VSIG10L2: variants seen among roughly 807,000 people sequenced by gnomAD.
The protein encoded by VSIG10L2 is V-set and immunoglobulin domain-containing protein 10-like 2.
A neutral mutation model predicts 67.1 loss-of-function variants in VSIG10L2; 56 were observed. That is an observed-to-expected ratio of 0.83 (90% CI 0.67 to 1.04). VSIG10L2 has a LOEUF of 1.04. VSIG10L2 is among the 50% of genes least tolerant of loss of function. The pLI, the probability that VSIG10L2 is intolerant of heterozygous loss-of-function variation, is 0.00. For synonymous variants in VSIG10L2, 360 were observed against 396.6 expected, an observed-to-expected ratio of 0.91 and a Z score of 1.10; for missense variants, 843 against 932.8, an observed-to-expected ratio of 0.90 and a Z score of 1.25.
intron 10 of VSIG10L2, 23 bp from the exon 11 acceptor site, chr11:125,955,592 T>C (rs1010540353): frequency 6.8e-5 from 104 of 1,523,856 alleles, no homozygotes; most frequent in Non-Finnish European, 8.7e-5. Flanking sequence ...GCCACTAACT[T>C]TACTCTCCCA....
At chr11:125,953,278 C>G (rs1344676251) in intron 6 of VSIG10L2, 122 bp from the exon 7 acceptor site, 1 of 820,148 alleles carries the variant, frequency 1.2e-6, no homozygotes, top group East Asian at 3.4e-5. Flanking sequence ...TGGCCCCAGA[C>G]AAGCCTCATT....
intron 2 of VSIG10L2, 40 bp from the exon 3 acceptor site, chr11:125,948,265 G>A: frequency 4.9e-6 from 6 of 1,232,284 alleles, no homozygotes; most frequent in Non-Finnish European, 5.1e-6. Flanking sequence ...CGTGTCCTGG[G>A]TCTGTAATAA....
At position 125,952,090 on chromosome 11, in the gene VSIG10L2, GA is replaced by G. The variant is rs1945385010; in HGVS notation, c.1495+18del. 1 of 1,523,170 alleles carries G rather than the reference GA, an allele frequency of 6.6e-7. No individual in the cohort carries two copies. The highest frequency in any genetic ancestry group is 8.8e-7 in the Non-Finnish European group (1 of 1,137,928). 94.4% of individuals were successfully genotyped at this position (1,523,170 alleles called of 1,614,324 possible). A position where few individuals can be genotyped will look rare whatever the true frequency, so the allele number is the denominator to read the frequency against. ...TCCAGCTGGGTGAGTAGGGGCTAGC[GA>G]GTTTGTTCTGGGGCTGGGACAGGAG... On this transcript the variant is annotated intron_variant, in intron 6 of 11. Coordinates refer to ENST00000686984, the MANE Select transcript of VSIG10L2 (RefSeq NM_001365077.2).
chr11:125,949,451 T>C (rs1945336576), intron 3 of VSIG10L2, among the ~76,000 whole-genome samples: 1 of 152,166 alleles, frequency 6.6e-6, no homozygotes, highest in South Asian at 2.1e-4. Flanking sequence ...CTGAGGACTG[T>C]TGAGGCAGGT....
Position 125,955,853 on chromosome 11 carries a change from C to T in VSIG10L2, c.2321C>T (p.Pro774Leu), listed in dbSNP as rs1000788111. 8 of 702,952 alleles carry T rather than the reference C, an allele frequency of 1.1e-5. No individual in the cohort carries two copies. The East Asian group carries it at 1.3e-4, about 12-fold the overall frequency. The allele number at this position is 702,952 out of a possible 1,614,324, so 43.5% of individuals were successfully genotyped here. A position where few individuals can be genotyped will look rare whatever the true frequency, so the allele number is the denominator to read the frequency against. Residue 774 changes from proline to leucine, a missense_variant, in exon 12 of 12, where the codon CCT (proline) becomes CTT (leucine). Pro to Leu is a moderately conservative substitution (Grantham distance 98). This residue lies in a region of VSIG10L2 where 397 missense variants were observed against 384.4 expected (regional missense o/e 1.03). Transcript: ENST00000686984. ...CCAACCACCACCCCAGGTTTGGATC[C>T]TGCACAAGAAACCACGGATTCTCCA... is the stretch of plus-strand genomic sequence containing the variant. The part of the protein sequence containing the change: ...ETPTTTPGLD[P>L]AQETTDSPVN...
Position 125,948,484 on chromosome 11 carries a change from G to C in VSIG10L2, c.613G>C (p.Asp205His). The stretch of plus-strand genomic sequence containing the variant: ...GGTCACTGAGCCACTATTCCAGCTG[G>C]ACCCTGTCAACCGGACACACCTAGG... ...VGVTEPLFQL[D>H]PVNRTHLGWY... Residue 205 changes from aspartate (D) to histidine (H), a missense_variant, in exon 3 of 12, where the codon GAC (aspartate) becomes CAC (histidine). By Grantham distance (81) the Asp-to-His change is moderately conservative. Around this residue, in one of 2 missense-constraint regions of VSIG10L2, gnomAD observed 446 missense variants for 548.4 expected, o/e 0.81. Coordinates refer to ENST00000686984, the MANE Select transcript of VSIG10L2 (RefSeq NM_001365077.2). 2 of 1,232,258 alleles carry C rather than the reference G, an allele frequency of 1.6e-6. No homozygotes were observed. The highest frequency in any genetic ancestry group is 2.0e-6 in the Non-Finnish European group (2 of 988,024). The allele number at this position is 1,232,258 out of a possible 1,614,324, so 76.3% of individuals were successfully genotyped here.
Position 125,953,904 on chromosome 11 carries a change from C to A in VSIG10L2, c.1787-183C>A, listed in dbSNP as rs115066840. On this transcript the variant is annotated intron_variant, in intron 7 of 11. Coordinates refer to ENST00000686984, the MANE Select transcript of VSIG10L2 (RefSeq NM_001365077.2). Reference sequence around the variant, plus strand: ...AAACAGAACGCCATGCAGGCAGGATCGCCTTTCATTTTATAGATGAAAAAA... The same window carrying A: ...AAACAGAACGCCATGCAGGCAGGATAGCCTTTCATTTTATAGATGAAAAAA... Among the ~76,000 whole-genome samples the A allele has an allele frequency of 4.8e-3, 735 of 152,310 alleles. 6 individuals are homozygous for A. The highest frequency in any genetic ancestry group is 0.016 in the African/African-American group (671 of 41,566).
At position 125,947,815 on chromosome 11, in the gene VSIG10L2, C is replaced by T. The variant is rs1042082349; in HGVS notation, c.212C>T (p.Pro71Leu). The T allele has an allele frequency of 2.8e-5, 34 of 1,232,490 alleles. 1 individual carries two copies. The highest frequency in any genetic ancestry group is 4.1e-5 in the South Asian group (1 of 24,328). The allele number at this position is 1,232,490 out of a possible 1,614,324, so 76.3% of individuals were successfully genotyped here. The change falls in exon 2 of 12, where the codon CCC becomes CTC. Residue 71 changes from proline to leucine, a missense_variant. Coordinates refer to ENST00000686984, the MANE Select transcript of VSIG10L2 (RefSeq NM_001365077.2). ...CTGCTGGTCCTCTGGAGCTTCACCC[C>T]CCTGGGCTCCCTGGTTCCCCGGCCT... The part of the protein sequence containing the change: ...APLLVLWSFT[P>L]LGSLVPRPVA...
At chr11:125,950,409 C>T (rs575076752) in intron 4 of VSIG10L2, 120 bp downstream of exon 4, 5 of 1,077,400 alleles carry the variant, frequency 4.6e-6, no homozygotes, top group Non-Finnish European at 5.9e-6. Flanking sequence ...GCCAAAGCTG[C>T]TCTTGTTGGA....
rs1460939731 is a variant in VSIG10L2 at position 125,955,909 on chromosome 11, C to A, written c.2377C>A (p.Pro793Thr). The change falls in exon 12 of 12, where the codon CCA becomes ACA. Residue 793 changes from proline (P) to threonine (T), a missense_variant. Physicochemically the swap from Pro to Thr is conservative, Grantham distance 38. Coordinates refer to ENST00000686984, the MANE Select transcript of VSIG10L2 (RefSeq NM_001365077.2). ...TGTCACCATCACAGTGACTGCAACA[C>A]CATAAGGCCCAAAGAGGAAGATGCA... ...VNVTITVTAT[P>T] The A allele has an allele frequency of 1.1e-5, 7 of 661,944 alleles. No homozygotes were observed. The highest frequency in any genetic ancestry group is 1.9e-5 in the Non-Finnish European group (7 of 367,840). The allele number at this position is 661,944 out of a possible 1,614,324, so 41.0% of individuals were successfully genotyped here.
chr11:125,947,388 G>A (rs991226476), intron 1 of VSIG10L2: 46 of 983,794 alleles, frequency 4.7e-5, no homozygotes, highest in South Asian at 1.4e-4. Context: ...CTGGGGTGAC[G>A]TCCACGAATC....
Position 125,950,201 on chromosome 11 carries a change from C to G in VSIG10L2, c.897C>G (p.Gly299=). 1 of 1,232,378 alleles carries G rather than the reference C, an allele frequency of 8.1e-7. No individual in the cohort carries two copies. Among genetic ancestry groups the G allele is most frequent in the Non-Finnish European group, 1.0e-6 (1 of 988,120 alleles). The allele number at this position is 1,232,378 out of a possible 1,614,324, so 76.3% of individuals were successfully genotyped here. The part of the protein sequence containing the change: ...TGPTYVIARA[G]RVHTGLYTCL... ...CTACCTATGTCATCGCCAGAGCTGGCCGTGTCCACACAGGCCTGTACACCT... is the reference window on the plus strand; with the variant it reads ...CTACCTATGTCATCGCCAGAGCTGGGCGTGTCCACACAGGCCTGTACACCT... Residue 299 remains glycine, a synonymous_variant, in exon 4 of 12, where the codon GGC becomes GGG. Transcript: ENST00000686984.
Position 125,946,328 on chromosome 11 carries a change from C to T in VSIG10L2, c.82+191C>T, listed in dbSNP as rs1336525399. ...CGTAGGTGAGAGCACTCTGCTTAAC[C>T]TTGAGAAGCTGGAGTCATCCTGAGA... On this transcript the variant is annotated intron_variant, in intron 1 of 11. Transcript: ENST00000686984. The surrounding 1 kb of genome is among the most constrained non-coding windows in gnomAD (Gnocchi z 4.4). Among the ~76,000 whole-genome samples, 5 of 152,192 alleles carry T rather than the reference C, an allele frequency of 3.3e-5. No individual in the cohort carries two copies. The East Asian group carries it at 9.6e-4, about 29-fold the overall frequency.
At chr11:125,952,965 C>T (rs868249412) in intron 6 of VSIG10L2, among the ~76,000 whole-genome samples, 5 of 152,178 alleles carry the variant, frequency 3.3e-5, no homozygotes, top group Non-Finnish European at 4.4e-5. Flanking sequence ...GATTCATTGA[C>T]ACCTGAGAGT....
In VSIG10L2 at chr11:125,950,316, A is replaced by G. The variant is rs1354858204; in HGVS notation, c.985+27A>G. The G allele has an allele frequency of 3.2e-6, 4 of 1,232,290 alleles. No homozygotes were observed. The East Asian group carries it at 9.5e-5, about 29-fold the overall frequency. 76.3% of individuals were successfully genotyped at this position (1,232,290 alleles called of 1,614,324 possible). A position where few individuals can be genotyped will look rare whatever the true frequency, so the allele number is the denominator to read the frequency against. Reference sequence around the variant, plus strand: ...TGAGTGTGGGGGTCGGGTGACGCCCAGACCTGTCCTGGGGACAACTCACGC... The same window carrying G: ...TGAGTGTGGGGGTCGGGTGACGCCCGGACCTGTCCTGGGGACAACTCACGC... On this transcript the variant is annotated intron_variant, in intron 4 of 11. Transcript: ENST00000686984.
Position 125,951,027 on chromosome 11 carries a change from G to A in VSIG10L2, c.1103G>A (p.Gly368Glu), listed in dbSNP as rs1266593054. The A allele has an allele frequency of 8.1e-7, 1 of 1,232,340 alleles. No individual in the cohort carries two copies. The highest frequency in any genetic ancestry group is 1.6e-5 in the African/African-American group (1 of 64,398). The allele number at this position is 1,232,340 out of a possible 1,614,324, so 76.3% of individuals were successfully genotyped here. The change falls in exon 5 of 12, where the codon GGA becomes GAA. Residue 368 changes from glycine to glutamate, a missense_variant. Coordinates refer to ENST00000686984, the MANE Select transcript of VSIG10L2 (RefSeq NM_001365077.2). ...CAACTGCAGTGGGAAGGGCCTCAGGGACCTGGCCCTACTGCCCCCAGCAAC... is the reference window on the plus strand; with the variant it reads ...CAACTGCAGTGGGAAGGGCCTCAGGAACCTGGCCCTACTGCCCCCAGCAAC... The part of the protein sequence containing the change: ...PAQLQWEGPQ[G>E]PGPTAPSNVT...
At chr11:125,950,850 T>C in intron 4 of VSIG10L2, 60 bp from the exon 5 acceptor site, 1 of 1,231,116 alleles carries the variant, frequency 8.1e-7, no homozygotes, top group Non-Finnish European at 1.0e-6. Context: ...TGCCTGGGCC[T>C]GGGGGCTGCA....
In VSIG10L2 at chr11:125,946,126, T is replaced by C. The variant is rs959509818; in HGVS notation, c.71T>C (p.Leu24Pro). 1 of 399,060 alleles carries C rather than the reference T, an allele frequency of 2.5e-6. No individual in the cohort carries two copies. Among genetic ancestry groups the C allele is most frequent in the Non-Finnish European group, 4.4e-6 (1 of 226,098 alleles). 24.7% of individuals were successfully genotyped at this position (399,060 alleles called of 1,614,324 possible). A position where few individuals can be genotyped will look rare whatever the true frequency, so the allele number is the denominator to read the frequency against. Residue 24 changes from leucine (L) to proline (P), a missense_variant, in exon 1 of 12, where the codon CTG (leucine) becomes CCG (proline). By Grantham distance (98) the Leu-to-Pro change is moderately conservative. Around this residue, in one of 2 missense-constraint regions of VSIG10L2, gnomAD observed 446 missense variants for 548.4 expected, o/e 0.81. Transcript: ENST00000686984. The surrounding 1 kb of genome is among the most constrained non-coding windows in gnomAD (Gnocchi z 4.4). ...LLLIHLCLLH[L>P]RASGQPHPTP... ...CTGATACACCTCTGCCTTCTGCACC[T>C]GAGGGCCTCAGGTGAGTGATACTCA...
At chr11:125,953,303 T>G (rs1006515432) in intron 6 of VSIG10L2, 97 bp from the exon 7 acceptor site, 128 of 1,062,228 alleles carry the variant, frequency 1.2e-4, no homozygotes, top group Non-Finnish European at 1.4e-4. Context: ...ACTCCGCAGC[T>G]CTCCCGCTCC....
Sources: allele counts gnomAD v4.1 joint callset (sites outside exome capture counted in the v4.1 genomes callset), GRCh38; gene constraint gnomAD v4.1.1; regional missense constraint gnomAD v4.1.1; non-coding constraint Gnocchi (gnomAD v3.1); transcripts MANE v1.5; gene names NCBI Gene and HGNC (gene_info 2026-07-23, HGNC 2026-07-21).